TSHZ2: variants seen among roughly 807,000 people sequenced by gnomAD.
TSHZ2 encodes teashirt zinc finger homeobox 2, also known as teashirt homolog 2.
A neutral mutation model predicts 74.4 loss-of-function variants in TSHZ2; 21 were observed. The observed-to-expected ratio is 0.28, with a 90% CI of 0.20 to 0.41. The LOEUF is 0.41. Ranked by LOEUF, TSHZ2 falls within the 10% of genes least tolerant of loss-of-function variation. The pLI is 1.00. For synonymous variants in TSHZ2, 540 were observed against 515.3 expected, an observed-to-expected ratio of 1.05 and a Z score of -0.65; for missense variants, 1,244 against 1,293.5, an observed-to-expected ratio of 0.96 and a Z score of 0.59.
intron 2 of TSHZ2, among the ~76,000 whole-genome samples, chr20:53,298,579 T>C (rs1991424998): frequency 1.3e-5 from 2 of 152,130 alleles, no homozygotes. Flanking sequence ...GCAAGGGGGA[T>C]AGTACTGAGG....
chr20:53,177,116 T>A (rs575430343), intron 1 of TSHZ2, among the ~76,000 whole-genome samples: 1 of 152,228 alleles, frequency 6.6e-6, no homozygotes, highest in Admixed American at 6.5e-5. Flanking sequence ...ACTCCTGGCC[T>A]CAAGTGATCC....
intron 1 of TSHZ2, among the ~76,000 whole-genome samples, chr20:52,977,808 G>A (rs1198090803): frequency 6.6e-6 from 1 of 152,206 alleles, no homozygotes; most frequent in Non-Finnish European, 1.5e-5. Context: ...AGAGAGTTTA[G>A]TGGAAACTCT....
At chr20:53,060,589 A>G (rs1984788008) in intron 1 of TSHZ2, among the ~76,000 whole-genome samples, 1 of 152,234 alleles carries the variant, frequency 6.6e-6, no homozygotes, top group Non-Finnish European at 1.5e-5. Context: ...TCACTCAGAA[A>G]CAGAAATGTA....
rs1470206088 is a variant in TSHZ2, at chr20:53,489,887, TTCTG to T, written c.*2753_*2756del. On this transcript the variant is annotated 3_prime_UTR_variant, in exon 3 of 3. Transcript: ENST00000371497. ...CCCTCTGAGGCTTCTAGAAACTTCT[TTCTG>T]GAGGAAAAAAACTAAATAACATAAA... 1.3e-5 allele frequency: 2 copies of T among 152,376 alleles called. No homozygotes were observed. Among genetic ancestry groups the T allele is most frequent in the East Asian group, 3.9e-4 (2 of 5,192 alleles). The allele number at this position is 152,376 out of a possible 1,614,324, so 9.4% of individuals were successfully genotyped here. A position where few individuals can be genotyped will look rare whatever the true frequency, so the allele number is the denominator to read the frequency against.
chr20:53,465,503 T>A (rs754773508), intron 2 of TSHZ2, among the ~76,000 whole-genome samples: 13 of 152,130 alleles, frequency 8.5e-5, no homozygotes, highest in Non-Finnish European at 1.5e-4. Flanking sequence ...ACTCCTGACC[T>A]CAAGTGAGCC....
chr20:53,362,087 C>T (rs972096583), intron 2 of TSHZ2, among the ~76,000 whole-genome samples: 4 of 152,084 alleles, frequency 2.6e-5, no homozygotes, highest in Admixed American at 6.5e-5. Context: ...TGGTCTCGAA[C>T]TCCCAACCTC....
At chr20:53,300,496 G>A (rs1991459234) in intron 2 of TSHZ2, among the ~76,000 whole-genome samples, 1 of 152,164 alleles carries the variant, frequency 6.6e-6, no homozygotes, top group Non-Finnish European at 1.5e-5. Flanking sequence ...AGGATTTGAA[G>A]GGTTAGTATT....
chr20:53,366,558 C>G (rs932618448), intron 2 of TSHZ2, among the ~76,000 whole-genome samples: 3 of 152,170 alleles, frequency 2.0e-5, no homozygotes, highest in Non-Finnish European at 4.4e-5. Flanking sequence ...GCGGGTCAAC[C>G]TCTGCAAGTC....
At chr20:53,462,919 GT>G (rs368659989) in intron 2 of TSHZ2, among the ~76,000 whole-genome samples, 26 of 152,296 alleles carry the variant, frequency 1.7e-4, no homozygotes, top group African/African-American at 6.0e-4. Flanking sequence ...CCATGAGCCA[GT>G]TGACCCTTCT....
chr20:53,124,846 C>T (rs142900511), intron 1 of TSHZ2, among the ~76,000 whole-genome samples: 5 of 152,082 alleles, frequency 3.3e-5, no homozygotes, highest in Non-Finnish European at 5.9e-5. Flanking sequence ...GGGCATAACA[C>T]GTGATTGTTA....
intron 1 of TSHZ2, among the ~76,000 whole-genome samples, chr20:52,988,888 C>T (rs1981870425): frequency 6.6e-6 from 1 of 152,176 alleles, no homozygotes; most frequent in African/African-American, 2.4e-5. Flanking sequence ...CTCTTGTAGG[C>T]TCCAGGACTC....
intron 1 of TSHZ2, among the ~76,000 whole-genome samples, chr20:53,083,674 A>G (rs1215229226): frequency 6.6e-6 from 1 of 152,218 alleles, no homozygotes; most frequent in Non-Finnish European, 1.5e-5. Context: ...TAACTAATTG[A>G]AGTATCAGTT....
chr20:53,160,168 G>A (rs1987895273), intron 1 of TSHZ2, among the ~76,000 whole-genome samples: 1 of 152,200 alleles, frequency 6.6e-6, no homozygotes, highest in South Asian at 2.1e-4. Flanking sequence ...ACATGGGAGA[G>A]AGGAGATTGG....
chr20:53,131,871 A>C (rs1255922317), intron 1 of TSHZ2, among the ~76,000 whole-genome samples: 3 of 136,356 alleles, frequency 2.2e-5, no homozygotes, highest in Non-Finnish European at 4.6e-5. Flanking sequence ...CTAGTCTCTC[A>C]GATGCCTGGA....
intron 1 of TSHZ2, among the ~76,000 whole-genome samples, chr20:52,996,005 A>G (rs1331094268): frequency 1.3e-5 from 2 of 152,146 alleles, no homozygotes; most frequent in African/African-American, 2.4e-5. Flanking sequence ...AGTGTTTTTA[A>G]TGCATGCTAA....
At chr20:53,262,505 C>T (rs1990624426) in intron 2 of TSHZ2, among the ~76,000 whole-genome samples, 1 of 152,194 alleles carries the variant, frequency 6.6e-6, no homozygotes, top group African/African-American at 2.4e-5. Flanking sequence ...AAGCTATAAA[C>T]TATTTAGCCT....
intron 2 of TSHZ2, among the ~76,000 whole-genome samples, chr20:53,338,477 C>G (rs1270742866): frequency 1.3e-5 from 2 of 152,174 alleles, no homozygotes; most frequent in Non-Finnish European, 2.9e-5. Flanking sequence ...AATAACTTGT[C>G]CCAGGTCAAA....
chr20:53,094,692 A>G (rs1047868595), intron 1 of TSHZ2, among the ~76,000 whole-genome samples: 1 of 152,182 alleles, frequency 6.6e-6, no homozygotes, highest in Non-Finnish European at 1.5e-5. Flanking sequence ...ATGTCATTAT[A>G]ACAGGTGTCA....
chr20:53,245,932 A>C (rs996539683), intron 1 of TSHZ2, among the ~76,000 whole-genome samples: 1 of 152,074 alleles, frequency 6.6e-6, no homozygotes, highest in African/African-American at 2.4e-5. Flanking sequence ...TGGGTCTCAG[A>C]TGTATTTAGT....
Sources: allele counts gnomAD v4.1 joint callset (sites outside exome capture counted in the v4.1 genomes callset), GRCh38; gene constraint gnomAD v4.1.1; transcripts MANE v1.5; gene names NCBI Gene and HGNC (gene_info 2026-07-23, HGNC 2026-07-21).